SNX29: variants seen among roughly 807,000 people sequenced by gnomAD.
The protein encoded by SNX29 is sorting nexin-29.
A neutral mutation model predicts 102.1 loss-of-function variants in SNX29; 78 were observed. The ratio of observed to expected loss-of-function variants is 0.76; its 90% CI spans 0.64 to 0.92. The LOEUF (loss-of-function observed/expected upper bound fraction) is 0.92, where lower values mean the gene tolerates loss of function less well. SNX29 is among the 40% of genes least tolerant of loss of function. The probability of loss-of-function intolerance (pLI) is 0.00; values close to 1 mark genes in which losing one functional copy is unlikely to be tolerated. For synonymous variants in SNX29, 580 were observed against 414.5 expected (o/e 1.40, Z -4.85); for missense variants, 1,280 against 1,061.7 (o/e 1.21, Z -2.86).
At chr16:12,125,402 A>G (rs576301078) in intron 11 of SNX29, among the ~76,000 whole-genome samples, 2 of 152,168 alleles carry the variant, frequency 1.3e-5, no homozygotes, top group Non-Finnish European at 2.9e-5. Flanking sequence ...TTGTGATATC[A>G]GTCATTTTGA....
Position 11,999,308 on chromosome 16 carries a change from A to T in SNX29, c.19A>T (p.Asn7Tyr). Residue 7 changes from asparagine to tyrosine, a missense_variant, in exon 2 of 21, where the codon AAT (asparagine) becomes TAT (tyrosine). Asn to Tyr is a moderately radical substitution (Grantham distance 143, BLOSUM62 -2). Transcript: ENST00000566228. MSGSQNNDKRQFLLERL... is the reference protein window; with the variant it reads MSGSQNYDKRQFLLERL... ...TCATTGCATTTTAGGATCACAGAAC[A>T]ATGACAAAAGACAATTTCTGCTGGA... 2 of 1,614,146 alleles carry T rather than the reference A, an allele frequency of 1.2e-6. No individual in the cohort carries two copies. Among genetic ancestry groups the T allele is most frequent in the Non-Finnish European group, 1.7e-6 (2 of 1,179,974 alleles).
At chr16:12,480,427 C>T (rs2087853491) in intron 19 of SNX29, among the ~76,000 whole-genome samples, 1 of 152,184 alleles carries the variant, frequency 6.6e-6, no homozygotes, top group South Asian at 2.1e-4. Context: ...TGACCCTCTT[C>T]CTCTTAGAAT....
chr16:12,546,017 CA>C (rs954104121), intron 20 of SNX29, among the ~76,000 whole-genome samples: 8 of 152,036 alleles, frequency 5.3e-5, no homozygotes, highest in African/African-American at 1.9e-4. Context: ...AAACAGAAAA[CA>C]AAAAAACCCA....
chr16:12,389,372 C>T (rs1034733209), intron 16 of SNX29, among the ~76,000 whole-genome samples: 2 of 152,136 alleles, frequency 1.3e-5, no homozygotes, highest in Non-Finnish European at 2.9e-5. Context: ...GGGGCGGTTT[C>T]CTCCCATACT....
At chr16:12,221,234 A>T (rs2077468624) in intron 14 of SNX29, among the ~76,000 whole-genome samples, 1 of 150,722 alleles carries the variant, frequency 6.6e-6, no homozygotes, top group Admixed American at 6.6e-5. Context: ...GAGGGGAGAG[A>T]TTGGAGGGTG....
At chr16:12,249,980 C>A (rs548814217) in intron 14 of SNX29, among the ~76,000 whole-genome samples, 3 of 152,110 alleles carry the variant, frequency 2.0e-5, no homozygotes, top group South Asian at 4.1e-4. Flanking sequence ...GAGGGCAGAT[C>A]GACAGGTCAA....
At chr16:12,153,675 A>G (rs1160556092) in intron 13 of SNX29, among the ~76,000 whole-genome samples, 4 of 149,770 alleles carry the variant, frequency 2.7e-5, no homozygotes, top group Non-Finnish European at 5.9e-5. Flanking sequence ...ATGGGGTTTC[A>G]GGATGTTGCT....
At chr16:12,430,599 T>C (rs962977944) in intron 18 of SNX29, among the ~76,000 whole-genome samples, 2 of 152,236 alleles carry the variant, frequency 1.3e-5, no homozygotes, top group Admixed American at 6.5e-5. Flanking sequence ...GTTATTAGGA[T>C]CAAATGAAAT....
chr16:12,205,395 C>T (rs376332346), intron 14 of SNX29, among the ~76,000 whole-genome samples: 2 of 152,152 alleles, frequency 1.3e-5, no homozygotes, highest in Admixed American at 6.5e-5. Context: ...TGCTGTTTAC[C>T]GTTCATGGTT....
At chr16:12,008,556 A>C (rs2056536539) in intron 3 of SNX29, among the ~76,000 whole-genome samples, 1 of 152,152 alleles carries the variant, frequency 6.6e-6, no homozygotes, top group South Asian at 2.1e-4. Context: ...GGCATGAGCC[A>C]CCGCACCCGG....
chr16:12,310,991 G>C (rs928121811), intron 15 of SNX29, among the ~76,000 whole-genome samples: 2 of 152,214 alleles, frequency 1.3e-5, no homozygotes, highest in Non-Finnish European at 2.9e-5. Context: ...AAGGAGGTAA[G>C]TGATGAGATG....
At chr16:11,983,235 ATTT>A (rs557542669) in intron 1 of SNX29, among the ~76,000 whole-genome samples, 17 of 129,612 alleles carry the variant, frequency 1.3e-4, no homozygotes, top group African/African-American at 5.1e-4. Context: ...CTGGGTTACA[ATTT>A]TTTTTTTTTT....
chr16:12,096,082 G>A lies in SNX29; in HGVS notation c.1402+17167G>A, dbSNP rs1266661741. Among the ~76,000 whole-genome samples, 3 of 152,256 alleles carry A rather than the reference G, an allele frequency of 2.0e-5. No homozygotes were observed. The highest frequency in any genetic ancestry group is 1.3e-4 in the Admixed American group (2 of 15,288). On this transcript the variant is annotated intron_variant, in intron 11 of 20. Transcript: ENST00000566228. The surrounding 1 kb of genome is among the most constrained non-coding windows in gnomAD (Gnocchi z 4.2). Reference sequence around the variant, plus strand: ...CATGATAAAATTTTAGGATGAGATGGTGGGGCAGTGGCCGTTAAATCGGCT... The same window carrying A: ...CATGATAAAATTTTAGGATGAGATGATGGGGCAGTGGCCGTTAAATCGGCT...
At chr16:12,426,598 G>A (rs962816641) in intron 18 of SNX29, among the ~76,000 whole-genome samples, 4 of 152,220 alleles carry the variant, frequency 2.6e-5, no homozygotes, top group African/African-American at 9.6e-5. Flanking sequence ...AAATGGTGAT[G>A]TAGATCTAAT....
chr16:12,223,112 G>T (rs182716026), intron 14 of SNX29, among the ~76,000 whole-genome samples: 3 of 152,168 alleles, frequency 2.0e-5, no homozygotes, highest in Non-Finnish European at 2.9e-5. Context: ...TATGAGTAGG[G>T]TTTCTGGAGT....
At chr16:12,241,461 C>G (rs1207955989) in intron 14 of SNX29, among the ~76,000 whole-genome samples, 1 of 151,752 alleles carries the variant, frequency 6.6e-6, no homozygotes, top group East Asian at 1.9e-4. Flanking sequence ...TCTCCCTGGT[C>G]TATCTTTTTT....
At chr16:12,118,961 G>C (rs350209) in intron 11 of SNX29, among the ~76,000 whole-genome samples, 102,966 of 152,070 alleles carry the variant, frequency 0.68, 35,918 homozygotes, top group East Asian at 0.91. Context: ...TAAAAATGGC[G>C]GTGCAAATGT....
chr16:12,267,817 C>T (rs561396173), intron 14 of SNX29, among the ~76,000 whole-genome samples: 3 of 152,162 alleles, frequency 2.0e-5, no homozygotes, highest in Non-Finnish European at 2.9e-5. Flanking sequence ...TCCCTAAAAA[C>T]GTCCAATCAT....
chr16:12,103,812 C>A (rs369356250), intron 11 of SNX29, among the ~76,000 whole-genome samples: 1 of 152,152 alleles, frequency 6.6e-6, no homozygotes, highest in South Asian at 2.1e-4. Flanking sequence ...GGGCTAATAT[C>A]CAGACTCTAC....
Sources: allele counts gnomAD v4.1 joint callset (sites outside exome capture counted in the v4.1 genomes callset), GRCh38; gene constraint gnomAD v4.1.1; non-coding constraint Gnocchi (gnomAD v3.1); transcripts MANE v1.5; gene names NCBI Gene and HGNC (gene_info 2026-07-23, HGNC 2026-07-21).